Variants in AADAC observed in about 807,000 individuals in gnomAD.
AADAC encodes arylacetamide deacetylase (esterase).
A neutral mutation model predicts 22.7 loss-of-function variants in AADAC; 17 were observed. The observed-to-expected ratio is 0.75, with a 90% CI of 0.51 to 1.12. The LOEUF (loss-of-function observed/expected upper bound fraction) is 1.12. Ranked by LOEUF, AADAC falls within the 50% of genes most tolerant of loss-of-function variation. The probability of loss-of-function intolerance (pLI) is 0.00; values close to 1 mark genes in which losing one functional copy is unlikely to be tolerated. For missense variants in AADAC, 465 were observed against 473.9 expected, an observed-to-expected ratio of 0.98 and a Z score of 0.17; for synonymous variants, 167 against 176.3, an observed-to-expected ratio of 0.95 and a Z score of 0.42.
intron 3 of AADAC, 82 bp downstream of exon 3, chr3:151,820,534 T>TTTG: frequency 1.1e-5 from 11 of 1,008,554 alleles, no homozygotes; most frequent in Non-Finnish European, 1.5e-5. Context: ...TTTTTTTTTT[T>TTTG]TGTGATGGAG....
At position 151,827,610 on chromosome 3, in the gene AADAC, A is replaced by C; in HGVS notation, c.638A>C (p.Lys213Thr). ...GACCCAGATGTCAAGATCAAACTCA[A>C]GATCCAGTCTTTAATTTATCCTGCC... ...LDDPDVKIKL[K>T]IQSLIYPALQ... is the part of the protein sequence containing the mutation. Residue 213 changes from lysine (K) to threonine (T), a missense_variant, in exon 5 of 5, where the codon AAG becomes ACG. Transcript: ENST00000232892. 1 of 1,587,658 alleles carries C rather than the reference A, an allele frequency of 6.3e-7. No individual in the cohort carries two copies. The highest frequency in any genetic ancestry group is 8.6e-7 in the Non-Finnish European group (1 of 1,166,512).
chr3:151,825,276 TAGGAGGCTG>T (rs1021971498), intron 4 of AADAC, among the ~76,000 whole-genome samples: 2 of 151,568 alleles, frequency 1.3e-5, no homozygotes, highest in Admixed American at 6.6e-5. Context: ...CCTAGCTACC[TAGGAGGCTG>T]AGGAGGCTGA....
chr3:151,826,727 C>T (rs1479532065), intron 4 of AADAC, among the ~76,000 whole-genome samples: 1 of 151,678 alleles, frequency 6.6e-6, no homozygotes, highest in Non-Finnish European at 1.5e-5. Context: ...CTTTACAGAC[C>T]ACTGATTATT....
Position 151,828,333 on chromosome 3 carries a change from C to G in AADAC, c.*161C>G. 2.4e-6 allele frequency: 1 copy of G among 418,356 alleles called. No homozygotes were observed. Among genetic ancestry groups the G allele is most frequent in the Non-Finnish European group, 4.2e-6 (1 of 239,326 alleles). 25.9% of individuals were successfully genotyped at this position (418,356 alleles called of 1,614,324 possible). ...TTTTTTTTTTCTTACTGTGGGATTT[C>G]ATTTCAATTTTCTACATTGTCTATC... is the stretch of plus-strand genomic sequence containing the variant. On this transcript the variant is annotated 3_prime_UTR_variant, in exon 5 of 5. Coordinates refer to ENST00000232892, the MANE Select transcript of AADAC (RefSeq NM_001086.3).
At position 151,827,681 on chromosome 3, in the gene AADAC, A is replaced by G. The variant is rs1457066577; in HGVS notation, c.709A>G (p.Asn237Asp). 2 of 1,612,692 alleles carry G rather than the reference A, an allele frequency of 1.2e-6. No individual in the cohort carries two copies. The highest frequency in any genetic ancestry group is 1.7e-6 in the Non-Finnish European group (2 of 1,179,052). Residue 237 changes from asparagine to aspartate, a missense_variant, in exon 5 of 5, where the codon AAT becomes GAT. By Grantham distance (23) the Asn-to-Asp change is conservative. Transcript: ENST00000232892. ...VDLPSYQENS[N>D]FLFLSKSLMV... The stretch of plus-strand genomic sequence containing the variant: ...TTTACCGTCATATCAAGAAAATTCA[A>G]ATTTTCTATTTCTATCCAAATCACT...
chr3:151,814,425 C>G (rs555595388), intron 1 of AADAC, 125 bp downstream of exon 1: 3 of 1,027,400 alleles, frequency 2.9e-6, no homozygotes, highest in Non-Finnish European at 4.1e-6. Flanking sequence ...ACTGCTGTGG[C>G]CTTTGACAAT....
At chr3:151,820,262 T>C (rs1716183009) in intron 2 of AADAC, 121 bp from the exon 3 acceptor site, 1 of 560,312 alleles carries the variant, frequency 1.8e-6, no homozygotes. Flanking sequence ...GTCTCTCGTA[T>C]TTTAAGGTAA....
intron 4 of AADAC, 46 bp downstream of exon 4, chr3:151,824,880 T>G: frequency 7.2e-7 from 1 of 1,392,282 alleles, no homozygotes; most frequent in Non-Finnish European, 9.5e-7. Flanking sequence ...GTTTCTACGC[T>G]GTTTTAAAAA....
chr3:151,826,714 C>A (rs968038466), intron 4 of AADAC, among the ~76,000 whole-genome samples: 2 of 151,460 alleles, frequency 1.3e-5, no homozygotes, highest in African/African-American at 2.4e-5. Flanking sequence ...TTGGTATATC[C>A]CTCTTTACAG....
At chr3:151,827,326 A>T (rs1716539978) in intron 4 of AADAC, among the ~76,000 whole-genome samples, 1 of 152,010 alleles carries the variant, frequency 6.6e-6, no homozygotes. Flanking sequence ...TTTTTGCATT[A>T]TCCATAAAGC....
Position 151,827,943 on chromosome 3 carries a change from C to A in AADAC, c.971C>A (p.Ala324Asp), listed in dbSNP as rs1224765728. The A allele has an allele frequency of 1.2e-6, 2 of 1,610,698 alleles. No homozygotes were observed. Among genetic ancestry groups the A allele is most frequent in the African/African-American group, 2.7e-5 (2 of 74,818 alleles). Reference sequence around the variant, plus strand: ...GATGTGAGGGCAGCCCCTTTGTTGGCTGATGACAACAAATTACGTGGCTTA... The same window carrying A: ...GATGTGAGGGCAGCCCCTTTGTTGGATGATGACAACAAATTACGTGGCTTA... Reference protein sequence around the residue: ...FLDVRAAPLLADDNKLRGLPL... With the variant: ...FLDVRAAPLLDDDNKLRGLPL... Residue 324 changes from alanine to aspartate, a missense_variant, in exon 5 of 5, where the codon GCT (alanine) becomes GAT (aspartate). Physicochemically the swap from Ala to Asp is moderately radical, Grantham distance 126. Transcript: ENST00000232892.
chr3:151,820,093 T>C (rs1214639767), intron 2 of AADAC, among the ~76,000 whole-genome samples: 1 of 151,866 alleles, frequency 6.6e-6, no homozygotes, highest in Admixed American at 6.6e-5. Flanking sequence ...GTATACACAG[T>C]TGGGTTAATC....
At position 151,827,847 on chromosome 3, in the gene AADAC, T is replaced by C; in HGVS notation, c.875T>C (p.Ile292Thr). The change falls in exon 5 of 5, where the codon ATA (isoleucine) becomes ACA (threonine). Residue 292 changes from isoleucine (I) to threonine (T), a missense_variant. Ile to Thr is a moderately conservative substitution (Grantham distance 89). Coordinates refer to ENST00000232892, the MANE Select transcript of AADAC (RefSeq NM_001086.3). ...NWSSLLPERFIKGHVYNNPNY... is the reference protein window; with the variant it reads ...NWSSLLPERFTKGHVYNNPNY... ...AGTTCCCTGCTCCCTGAGAGGTTTA[T>C]AAAAGGACATGTTTATAACAATCCA... 6.2e-7 allele frequency: 1 copy of C among 1,613,258 alleles called. No homozygotes were observed. The highest frequency in any genetic ancestry group is 8.5e-7 in the Non-Finnish European group (1 of 1,179,620).
chr3:151,817,495 C>G lies in AADAC; in HGVS notation c.268C>G (p.Leu90Val). Residue 90 changes from leucine to valine, a missense_variant, in exon 2 of 5, where the codon CTT (leucine) becomes GTT (valine). Coordinates refer to ENST00000232892, the MANE Select transcript of AADAC (RefSeq NM_001086.3). ...TVTETKFNNI[L>V]VRVYVPKRKS... ...GACTGAGACAAAATTCAACAACATT[C>G]TTGTTCGGGTATATGTGCCAAAGAG... 1.2e-6 allele frequency: 2 copies of G among 1,613,756 alleles called. No homozygotes were observed. Among genetic ancestry groups the G allele is most frequent in the Non-Finnish European group, 1.7e-6 (2 of 1,179,726 alleles).
Position 151,817,479 on chromosome 3 carries a change from A to G in AADAC, c.252A>G (p.Thr84=), listed in dbSNP as rs1716041523. Reference sequence around the variant, plus strand: ...ATGAAAATGTCACTGTGACTGAGACAAAATTCAACAACATTCTTGTTCGGG... The same window carrying G: ...ATGAAAATGTCACTGTGACTGAGACGAAATTCAACAACATTCTTGTTCGGG... ...TSDENVTVTE[T]KFNNILVRVY... The change falls in exon 2 of 5, where the codon ACA becomes ACG. Residue 84 remains threonine (T), a synonymous_variant. Coordinates refer to ENST00000232892, the MANE Select transcript of AADAC (RefSeq NM_001086.3). 1.2e-6 allele frequency: 2 copies of G among 1,613,706 alleles called. No individual in the cohort carries two copies. The highest frequency in any genetic ancestry group is 1.7e-6 in the Non-Finnish European group (2 of 1,179,750).
At chr3:151,815,309 T>C (rs928701526) in intron 1 of AADAC, among the ~76,000 whole-genome samples, 8 of 151,854 alleles carry the variant, frequency 5.3e-5, no homozygotes, top group Admixed American at 4.6e-4. Context: ...CTAAGAAAAA[T>C]GTTTTCCAGC....
At chr3:151,814,929 T>A (rs1715921819) in intron 1 of AADAC, among the ~76,000 whole-genome samples, 1 of 152,036 alleles carries the variant, frequency 6.6e-6, no homozygotes, top group South Asian at 2.1e-4. Flanking sequence ...TCTTTGGTTA[T>A]TTTATTATCT....
chr3:151,825,041 C>T (rs13098426), intron 4 of AADAC, among the ~76,000 whole-genome samples: 114,680 of 151,282 alleles, frequency 0.76, 43,788 homozygotes, highest in Middle Eastern at 0.84. Flanking sequence ...TTTTTTTCTT[C>T]CTTAAGGGAA....
chr3:151,826,597 A>G (rs929021165), intron 4 of AADAC, among the ~76,000 whole-genome samples: 2 of 151,952 alleles, frequency 1.3e-5, no homozygotes, highest in African/African-American at 4.8e-5. Flanking sequence ...ATAGTATATT[A>G]CACACTTCAA....
Sources: allele counts gnomAD v4.1 joint callset (sites outside exome capture counted in the v4.1 genomes callset), GRCh38; gene constraint gnomAD v4.1.1; transcripts MANE v1.5; gene names NCBI Gene and HGNC (gene_info 2026-07-23, HGNC 2026-07-21).